PLA2G4A: variants seen among roughly 807,000 people sequenced by gnomAD.
PLA2G4A encodes cytosolic phospholipase A2.
Under a neutral mutation model 81.9 loss-of-function variants are expected in PLA2G4A, and 40 were observed. That is an observed-to-expected ratio of 0.49 (90% CI 0.38 to 0.64). PLA2G4A has a LOEUF of 0.64. Ranked by LOEUF, PLA2G4A falls within the 30% of genes least tolerant of loss-of-function variation. PLA2G4A has a pLI of 0.00. For synonymous variants in PLA2G4A, 302 were observed against 296.9 expected (o/e 1.02, Z -0.18); for missense variants, 715 against 905.1 (o/e 0.79, Z 2.69).
intron 13 of PLA2G4A, among the ~76,000 whole-genome samples, chr1:186,954,119 C>T (rs779343724): frequency 7.9e-5 from 12 of 152,132 alleles, no homozygotes; most frequent in Non-Finnish European, 1.5e-4. Context: ...ATAAATCATG[C>T]TACTATAAAG....
At chr1:186,905,624 A>G (rs1032367081) in intron 5 of PLA2G4A, among the ~76,000 whole-genome samples, 1 of 152,150 alleles carries the variant, frequency 6.6e-6, no homozygotes, top group African/African-American at 2.4e-5. Flanking sequence ...GGGTCAGACC[A>G]TCCCATGATT....
intron 7 of PLA2G4A, among the ~76,000 whole-genome samples, chr1:186,914,250 C>A (rs941483470): frequency 1.6e-5 from 2 of 128,138 alleles, no homozygotes; most frequent in African/African-American, 6.1e-5. Flanking sequence ...CCACTACACC[C>A]AGAAAATTTA....
chr1:186,965,275 C>T, intron 14 of PLA2G4A, 134 bp from the exon 15 acceptor site: 1 of 690,268 alleles, frequency 1.4e-6, no homozygotes, highest in Non-Finnish European at 2.5e-6. Flanking sequence ...GTTTCATGCC[C>T]AGCTCTATTT....
chr1:186,934,443 CATATATATATATATATAT>C (rs71571011), intron 8 of PLA2G4A, among the ~76,000 whole-genome samples: 1 of 99,566 alleles, frequency 1.0e-5, no homozygotes, highest in African/African-American at 4.5e-5. Context: ...TAAATGTGCA[CATATATATATATATATAT>C]ATACATACAC....
At chr1:186,891,250 A>G (rs1388491892) in intron 3 of PLA2G4A, among the ~76,000 whole-genome samples, 1 of 152,162 alleles carries the variant, frequency 6.6e-6, no homozygotes, top group African/African-American at 2.4e-5. Context: ...AAGTAATCAC[A>G]TCATGGAGAA....
chr1:186,910,850 A>G (rs955423477), intron 6 of PLA2G4A, among the ~76,000 whole-genome samples: 1 of 152,210 alleles, frequency 6.6e-6, no homozygotes, highest in Non-Finnish European at 1.5e-5. Flanking sequence ...GAAAGTAATT[A>G]TGATGGTGGA....
At position 186,915,138 on chromosome 1, in the gene PLA2G4A, C is replaced by A. The variant is rs147818354; in HGVS notation, c.558+3749C>A. 4.9e-3 allele frequency among the ~76,000 whole-genome samples: 752 copies of A among 152,222 alleles called. 8 individuals carry two copies. The highest frequency in any genetic ancestry group is 0.017 in the African/African-American group (709 of 41,514). ...GGATCAAATCCATGCCACACTTGCA[C>A]GGGCATGTGTGCCAGTTTTGTCATA... is the stretch of plus-strand genomic sequence containing the variant. On this transcript the variant is annotated intron_variant, in intron 7 of 17. Coordinates refer to ENST00000367466, the MANE Select transcript of PLA2G4A (RefSeq NM_024420.3).
chr1:186,900,064 C>A (rs1013351537), intron 5 of PLA2G4A, among the ~76,000 whole-genome samples: 1 of 152,106 alleles, frequency 6.6e-6, no homozygotes, highest in African/African-American at 2.4e-5. Context: ...TTGATAAAAT[C>A]TGGGTTAAAC....
rs546302883 is a variant in PLA2G4A, at chr1:186,891,183, A to C, written c.116-1828A>C. Among the ~76,000 whole-genome samples the C allele has an allele frequency of 8.3e-4, 126 of 151,760 alleles. 1 individual carries two copies. Among genetic ancestry groups the C allele is most frequent in the African/African-American group, 2.9e-3 (122 of 41,390 alleles). ...TACTTTTTAATTTTTATGGGTACAT[A>C]GTAGGTGTATATATTTATGGGGTAA... On this transcript the variant is annotated intron_variant, in intron 3 of 17. Coordinates refer to ENST00000367466, the MANE Select transcript of PLA2G4A (RefSeq NM_024420.3).
intron 17 of PLA2G4A, among the ~76,000 whole-genome samples, chr1:186,982,903 C>T (rs1031966757): frequency 1.3e-5 from 2 of 151,832 alleles, no homozygotes; most frequent in African/African-American, 4.8e-5. Flanking sequence ...ACGGTGAAAC[C>T]CCGTCTCTAC....
intron 2 of PLA2G4A, among the ~76,000 whole-genome samples, chr1:186,869,114 A>G (rs1482919767): frequency 6.6e-6 from 1 of 151,900 alleles, no homozygotes; most frequent in Non-Finnish European, 1.5e-5. Context: ...TAAGGTGGTA[A>G]CTTAGATTAT....
At position 186,885,274 on chromosome 1, in the gene PLA2G4A, GAAACAAAC is replaced by G. The variant is rs374466627; in HGVS notation, c.116-7722_116-7715del. On this transcript the variant is annotated intron_variant, in intron 3 of 17. Coordinates refer to ENST00000367466, the MANE Select transcript of PLA2G4A (RefSeq NM_024420.3). ...AAAGATATTGGCAGTCTCATAAGAG[GAAACAAAC>G]AAACAAACAAACAAGGAGATCAGAG... Among the ~76,000 whole-genome samples the G allele has an allele frequency of 8.5e-5, 13 of 152,144 alleles. No homozygotes were observed. In the South Asian group the frequency reaches 2.5e-3, roughly 29 times the overall value.
intron 7 of PLA2G4A, among the ~76,000 whole-genome samples, chr1:186,922,183 C>T (rs1034638329): frequency 4.6e-5 from 7 of 152,042 alleles, no homozygotes; most frequent in Non-Finnish European, 8.8e-5. Context: ...AAACAAAGAA[C>T]GGGTAAAAAG....
rs140178966 is a variant in PLA2G4A at position 186,866,337 on chromosome 1, G to C, written c.34-4098G>C. Among the ~76,000 whole-genome samples the C allele has an allele frequency of 1.9e-3, 287 of 152,258 alleles. 2 individuals carry two copies. Among genetic ancestry groups the C allele is most frequent in the African/African-American group, 6.7e-3 (279 of 41,542 alleles). On this transcript the variant is annotated intron_variant, in intron 2 of 17. Coordinates refer to ENST00000367466, the MANE Select transcript of PLA2G4A (RefSeq NM_024420.3). Reference sequence around the variant, plus strand: ...AGTTACTCTCTTATTAATCCTTAAAGCTCTTATAAAGAGATGGGCACAGAC... The same window carrying C: ...AGTTACTCTCTTATTAATCCTTAAACCTCTTATAAAGAGATGGGCACAGAC...
intron 16 of PLA2G4A, 103 bp downstream of exon 16, chr1:186,977,891 T>G: frequency 1.2e-6 from 1 of 801,670 alleles, no homozygotes; most frequent in Non-Finnish European, 2.2e-6. Flanking sequence ...GCTATTACAC[T>G]ATTGAATGCT....
At chr1:186,891,657 T>C (rs1654148603) in intron 3 of PLA2G4A, among the ~76,000 whole-genome samples, 1 of 152,244 alleles carries the variant, frequency 6.6e-6, no homozygotes, top group Non-Finnish European at 1.5e-5. Flanking sequence ...TGAGTAACAC[T>C]CCATTGTGTA....
intron 10 of PLA2G4A, among the ~76,000 whole-genome samples, chr1:186,945,638 A>G (rs756416804): frequency 1.3e-5 from 2 of 152,136 alleles, no homozygotes; most frequent in African/African-American, 2.4e-5. Context: ...TGTGTAAGCT[A>G]TAAGGGAAAA....
In PLA2G4A at chr1:186,901,033, T is replaced by C. The variant is rs73047113; in HGVS notation, c.379-5932T>C. ...TTTTATGGCTGAATTCAGAATGTTG[T>C]TAGTCTCAGGATGATGTCATTGGAA... is the stretch of plus-strand genomic sequence containing the variant. On this transcript the variant is annotated intron_variant, in intron 5 of 17. Coordinates refer to ENST00000367466, the MANE Select transcript of PLA2G4A (RefSeq NM_024420.3). Among the ~76,000 whole-genome samples, 836 of 152,276 alleles carry C rather than the reference T, an allele frequency of 5.5e-3. 6 individuals carry two copies. Among genetic ancestry groups the C allele is most frequent in the African/African-American group, 0.019 (804 of 41,550 alleles).
chr1:186,837,444 T>C lies in PLA2G4A; in HGVS notation c.-70+8409T>C, dbSNP rs115083362. Among the ~76,000 whole-genome samples the C allele has an allele frequency of 6.2e-3, 938 of 151,656 alleles. 10 individuals carry two copies. Among genetic ancestry groups the C allele is most frequent in the African/African-American group, 0.022 (908 of 41,336 alleles). On this transcript the variant is annotated intron_variant, in intron 1 of 17. Coordinates refer to ENST00000367466, the MANE Select transcript of PLA2G4A (RefSeq NM_024420.3). ...TTAGATTATCCAGTTGAAAGTAAAA[T>C]TTGGGCCAGGCTCAGTGGCTCACTC...
Sources: gnomAD v4.1 joint callset for allele counts (sites outside exome capture counted in the v4.1 genomes callset) on GRCh38, gnomAD v4.1.1 for gene constraint, MANE v1.5 for transcripts, NCBI Gene and HGNC (gene_info 2026-07-23, HGNC 2026-07-21) for gene names.